The following CAST variants were observed in gnomAD, a reference collection of about 807,000 sequenced individuals.
CAST encodes the protein MIR583 host.
Under a neutral mutation model 119.6 loss-of-function variants are expected in CAST, and 76 were observed. That is an observed-to-expected ratio of 0.64 (90% CI 0.53 to 0.77). The LOEUF (loss-of-function observed/expected upper bound fraction) is 0.77. Among genes scored for constraint, CAST ranks in the 30% least tolerant of loss-of-function variants. The pLI, the probability that CAST is intolerant of heterozygous loss-of-function variation, is 0.00. For missense variants in CAST, 953 were observed against 946.5 expected, an observed-to-expected ratio of 1.01 and a Z score of -0.09; for synonymous variants, 319 against 331.6, an observed-to-expected ratio of 0.96 and a Z score of 0.41.
chr5:96,348,371 G>A, the CAST span, among the ~76,000 whole-genome samples: 1 of 151,456 alleles, frequency 6.6e-6, no homozygotes, highest in Non-Finnish European at 1.5e-5. Context: ...AGGAGGCCTG[G>A]GAGAGAGAGG....
At chr5:96,429,254 T>C in the CAST span, 9 of 1,603,260 alleles carry the variant, frequency 5.6e-6, no homozygotes, top group South Asian at 9.9e-5. Context: ...TGAAAGGCAC[T>C]CCTTCGAGAC....
At chr5:96,462,211 T>C in the CAST span, among the ~76,000 whole-genome samples, 15 of 152,124 alleles carry the variant, frequency 9.9e-5, no homozygotes, top group Non-Finnish European at 2.2e-4. Flanking sequence ...CTTAATTGAT[T>C]GCTTTTGGCC....
intron 1 of CAST, among the ~76,000 whole-genome samples, chr5:96,613,907 T>C (rs905377184): frequency 1.2e-4 from 18 of 152,238 alleles, no homozygotes; most frequent in African/African-American, 3.6e-4. Context: ...TGCACATCTT[T>C]TGTTAGATTT....
At chr5:96,757,098 A>T (rs947071977) in intron 22 of CAST, among the ~76,000 whole-genome samples, 3 of 152,224 alleles carry the variant, frequency 2.0e-5, no homozygotes, top group African/African-American at 4.8e-5. Flanking sequence ...TAAAGGGCTT[A>T]TCCCACACTG....
chr5:96,165,726 C>T, the CAST span, among the ~76,000 whole-genome samples: 1 of 152,148 alleles, frequency 6.6e-6, no homozygotes, highest in Non-Finnish European at 1.5e-5. Context: ...CTGACATGAA[C>T]ATCACCTGTA....
At chr5:96,581,459 T>C (rs770069463) in intron 1 of CAST, among the ~76,000 whole-genome samples, 14 of 152,226 alleles carry the variant, frequency 9.2e-5, no homozygotes, top group Non-Finnish European at 1.6e-4. Context: ...AAAAGTCATA[T>C]AGCATTATCT....
the CAST span, among the ~76,000 whole-genome samples, chr5:96,497,149 T>C: frequency 3.9e-5 from 6 of 151,992 alleles, no homozygotes; most frequent in Admixed American, 3.3e-4. Context: ...CTGAGAATGA[T>C]GGTTTCCAGC....
At chr5:96,012,577 A>G in the CAST span, among the ~76,000 whole-genome samples, 1 of 152,070 alleles carries the variant, frequency 6.6e-6, no homozygotes, top group Non-Finnish European at 1.5e-5. Flanking sequence ...TGATGACACA[A>G]CTCTTCAGGA....
chr5:96,354,399 A>G, the CAST span, among the ~76,000 whole-genome samples: 1 of 152,178 alleles, frequency 6.6e-6, no homozygotes. Flanking sequence ...AGCTTCTCAG[A>G]GGCAGCCATT....
the CAST span, among the ~76,000 whole-genome samples, chr5:96,069,655 C>CTTTTTTTTTTT: frequency 1.3e-5 from 1 of 78,376 alleles, no homozygotes; most frequent in African/African-American, 5.2e-5. Context: ...GGTAATTAAA[C>CTTTTTTTTTTT]TTTTTTTTTT....
At chr5:96,423,290 G>A in the CAST span, 3 of 1,595,776 alleles carry the variant, frequency 1.9e-6, no homozygotes, top group Non-Finnish European at 2.6e-6. Context: ...CTAAGTCACA[G>A]TCATGAGAAG....
chr5:96,565,077 G>GGTGTGTGTGTGTGT (rs61240765), intron 1 of CAST, among the ~76,000 whole-genome samples: 8,417 of 148,636 alleles, frequency 0.057, 378 homozygotes, highest in African/African-American at 0.11. Flanking sequence ...ACATGGGAAA[G>GGTGTGTGTGTGTGT]GTGTGTGTGT....
At chr5:96,400,335 A>G in the CAST span, 31 of 670,740 alleles carry the variant, frequency 4.6e-5, no homozygotes, top group Middle Eastern at 3.9e-4. Context: ...TACTGTTCAT[A>G]TATCTTTTCA....
At chr5:96,084,651 G>T in the CAST span, among the ~76,000 whole-genome samples, 1 of 152,198 alleles carries the variant, frequency 6.6e-6, no homozygotes, top group Admixed American at 6.5e-5. Context: ...AAGAGACTTA[G>T]ACTGGGAAGT....
chr5:96,295,364 C>T, the CAST span, among the ~76,000 whole-genome samples: 1 of 152,130 alleles, frequency 6.6e-6, no homozygotes, highest in Admixed American at 6.5e-5. Flanking sequence ...TACAATGCAA[C>T]CTCTTTGAAC....
intron 1 of CAST, among the ~76,000 whole-genome samples, chr5:96,610,669 AGCAATCAG>A (rs1747344313): frequency 6.6e-6 from 1 of 152,204 alleles, no homozygotes; most frequent in African/African-American, 2.4e-5. Flanking sequence ...TCCTAGCCAG[AGCAATCAG>A]GCAAAAGAAA....
At position 96,578,267 on chromosome 5, in the gene CAST, A is replaced by C. The variant is rs551879371; in HGVS notation, c.60+48387A>C. ...TTCTGCCTTCTTTGTTAATGTTTGC[A>C]TGATAATCTTTTTCCATTTTTTTTT... On this transcript the variant is annotated intron_variant, in intron 1 of 11. Coordinates refer to the CAST transcript ENST00000505143. 8.7e-5 allele frequency among the ~76,000 whole-genome samples: 13 copies of C among 149,734 alleles called. No homozygotes were observed. The East Asian group carries it at 2.6e-3, about 30-fold the overall frequency.
chr5:96,151,770 A>G, the CAST span, among the ~76,000 whole-genome samples: 10 of 152,228 alleles, frequency 6.6e-5, no homozygotes, highest in Admixed American at 5.2e-4. Flanking sequence ...GCACTGAGTT[A>G]AAGTCTGTCT....
the CAST span, among the ~76,000 whole-genome samples, chr5:96,063,120 T>C: frequency 2.0e-5 from 3 of 152,156 alleles, no homozygotes; most frequent in Admixed American, 2.0e-4. Flanking sequence ...GTGCCACTTG[T>C]ATTTCTGTAC....
Sources: gnomAD v4.1 joint callset for allele counts (sites outside exome capture counted in the v4.1 genomes callset) on GRCh38, gnomAD v4.1.1 for gene constraint, MANE v1.5 for transcripts, NCBI Gene and HGNC (gene_info 2026-07-23, HGNC 2026-07-21) for gene names.